Variants in KCNT2 observed in about 807,000 individuals in gnomAD.
The protein encoded by KCNT2 is potassium channel subfamily T member 2.
KCNT2 carries 67 observed loss-of-function variants against 153.8 expected under a neutral mutation model. That is an observed-to-expected ratio of 0.44 (90% confidence interval 0.36 to 0.53). The LOEUF is 0.53. Among genes scored for constraint, KCNT2 ranks in the 20% least tolerant of loss-of-function variants. The probability of loss-of-function intolerance (pLI) is 0.00; values close to 1 mark genes in which losing one functional copy is unlikely to be tolerated. For missense variants in KCNT2, 975 were observed against 1,354.8 expected (o/e 0.72, Z 4.40); for synonymous variants, 500 against 458.8 (o/e 1.09, Z -1.15).
chr1:196,286,617 T>TCACACA (rs548240607), intron 22 of KCNT2, among the ~76,000 whole-genome samples: 101 of 143,288 alleles, frequency 7.0e-4, no homozygotes, highest in African/African-American at 2.6e-3. Context: ...CTTCTGTATA[T>TCACACA]CACACACACA....
rs1557973970 is a variant in KCNT2 at position 196,467,757 on chromosome 1, A to G, written c.489T>C (p.Phe163=). ...SIFWPSLRNL[F]VPVFLNCWLA... The stretch of plus-strand genomic sequence containing the variant: ...GCCAACAGTTCAGAAAGACTGGGAC[A>G]AATAGATTCCTTAAGGAAGGCCAGA... The change falls in exon 7 of 28, where the codon TTT becomes TTC. Residue 163 remains phenylalanine, a synonymous_variant. Coordinates refer to ENST00000294725, the MANE Select transcript of KCNT2 (RefSeq NM_198503.5). 1.9e-6 allele frequency: 3 copies of G among 1,606,234 alleles called. No homozygotes were observed. Among genetic ancestry groups the G allele is most frequent in the South Asian group, 2.2e-5 (2 of 89,958 alleles).
chr1:196,386,353 T>C (rs1669983929), intron 13 of KCNT2, among the ~76,000 whole-genome samples: 1 of 152,108 alleles, frequency 6.6e-6, no homozygotes. Context: ...CCACAAAGTT[T>C]TGGGATAGTT....
chr1:196,415,966 C>T (rs1672721709), intron 12 of KCNT2, among the ~76,000 whole-genome samples: 1 of 151,854 alleles, frequency 6.6e-6, no homozygotes, highest in African/African-American at 2.4e-5. Context: ...CCAAGATTAA[C>T]TTTGACCCAA....
At chr1:196,429,141 C>T (rs552930471) in intron 9 of KCNT2, among the ~76,000 whole-genome samples, 26 of 151,814 alleles carry the variant, frequency 1.7e-4, no homozygotes, top group African/African-American at 6.3e-4. Context: ...CTGCACCTGG[C>T]CCAGATTTTA....
chr1:196,494,438 C>A (rs1028697411), intron 1 of KCNT2, among the ~76,000 whole-genome samples: 1 of 151,996 alleles, frequency 6.6e-6, no homozygotes, highest in African/African-American at 2.4e-5. Context: ...CTGGCTCTGT[C>A]GCCCAGGCTG....
chr1:196,591,216 C>G (rs1663316875), intron 1 of KCNT2, among the ~76,000 whole-genome samples: 2 of 151,992 alleles, frequency 1.3e-5, no homozygotes, highest in South Asian at 2.1e-4. Flanking sequence ...TTTAAAGAAG[C>G]CTGGCACCTC....
rs552363871 is a variant in KCNT2, at chr1:196,373,386, A to T, written c.1295-138T>A. 8.7e-5 allele frequency: 50 copies of T among 577,866 alleles called. 1 individual carries two copies. In the East Asian group the frequency reaches 1.3e-3, roughly 15 times the overall value. The allele number at this position is 577,866 out of a possible 1,614,324, so 35.8% of individuals were successfully genotyped here. ...TTTTAGAGATGTTTTTACAAGTGCAATTTTATCCCCAGGAAATATATCTCC... is the reference window on the plus strand; with the variant it reads ...TTTTAGAGATGTTTTTACAAGTGCATTTTTATCCCCAGGAAATATATCTCC... On this transcript the variant is annotated intron_variant, in intron 13 of 27. Transcript: ENST00000294725.
At chr1:196,536,995 T>A (rs974642654) in intron 1 of KCNT2, among the ~76,000 whole-genome samples, 1 of 152,226 alleles carries the variant, frequency 6.6e-6, no homozygotes, top group African/African-American at 2.4e-5. Context: ...ACCAATAGCC[T>A]ACTGGTATTC....
intron 1 of KCNT2, among the ~76,000 whole-genome samples, chr1:196,523,438 G>A (rs774342615): frequency 7.2e-5 from 11 of 152,210 alleles, no homozygotes; most frequent in Non-Finnish European, 1.3e-4. Context: ...AAAATGAAAA[G>A]TGTAGACTGG....
At chr1:196,481,516 T>C (rs560858798) in intron 4 of KCNT2, among the ~76,000 whole-genome samples, 41 of 152,356 alleles carry the variant, frequency 2.7e-4, no homozygotes, top group Middle Eastern at 3.4e-3. Context: ...GCAGTGAGTC[T>C]TAAAGTCTTT....
intron 19 of KCNT2, among the ~76,000 whole-genome samples, chr1:196,326,289 C>G (rs1489687792): frequency 1.3e-5 from 2 of 151,972 alleles, no homozygotes; most frequent in South Asian, 2.1e-4. Flanking sequence ...TCTGATGATG[C>G]TTTGTGTTAT....
At chr1:196,312,244 C>T (rs979197088) in intron 21 of KCNT2, among the ~76,000 whole-genome samples, 1 of 151,386 alleles carries the variant, frequency 6.6e-6, no homozygotes, top group African/African-American at 2.4e-5. Flanking sequence ...GGGAGGCGAA[C>T]AGCCAATTGC....
intron 22 of KCNT2, among the ~76,000 whole-genome samples, chr1:196,287,124 A>C (rs1377352223): frequency 6.6e-6 from 1 of 152,056 alleles, no homozygotes; most frequent in Non-Finnish European, 1.5e-5. Context: ...GGAGAAGGTA[A>C]GGCAAAGGAT....
At chr1:196,349,944 G>A (rs1208210787) in intron 14 of KCNT2, among the ~76,000 whole-genome samples, 1 of 151,906 alleles carries the variant, frequency 6.6e-6, no homozygotes, top group Admixed American at 6.6e-5. Context: ...ATCTATGAGT[G>A]AGAACGTGTG....
intron 1 of KCNT2, among the ~76,000 whole-genome samples, chr1:196,568,676 T>C (rs1660410692): frequency 6.6e-6 from 1 of 151,746 alleles, no homozygotes; most frequent in Non-Finnish European, 1.5e-5. Flanking sequence ...GCTCTTTTTC[T>C]GGCAACTCAC....
rs978839062 is a variant in KCNT2 at position 196,528,658 on chromosome 1, T to C, written c.96-36317A>G. On this transcript the variant is annotated intron_variant, in intron 1 of 27. Transcript: ENST00000294725. ...GATCGTAAAAAAACAGAATCATTAA[T>C]GGAGTAGAGATTTCCTTCTTGCTGG... is the stretch of plus-strand genomic sequence containing the variant. Among the ~76,000 whole-genome samples the C allele has an allele frequency of 4.6e-5, 7 of 152,156 alleles. No individual in the cohort carries two copies. The South Asian group carries it at 6.2e-4, about 13-fold the overall frequency.
Position 196,489,822 on chromosome 1 carries a change from GA to G in KCNT2, c.275+15del. 3.0e-6 allele frequency: 4 copies of G among 1,318,320 alleles called. No individual in the cohort carries two copies. The highest frequency in any genetic ancestry group is 4.7e-5 in the East Asian group (2 of 42,568). The allele number at this position is 1,318,320 out of a possible 1,614,324, so 81.7% of individuals were successfully genotyped here. A position where few individuals can be genotyped will look rare whatever the true frequency, so the allele number is the denominator to read the frequency against. On this transcript the variant is annotated intron_variant, in intron 3 of 27. Transcript: ENST00000294725. ...ATCAAAATAATATTGTTGAAGGTCA[GA>G]AAAAGGTACCTTACCATTCATTTCC...
intron 21 of KCNT2, among the ~76,000 whole-genome samples, chr1:196,311,698 C>T (rs918267106): frequency 6.6e-6 from 1 of 151,668 alleles, no homozygotes. Flanking sequence ...GTAAAGTTCT[C>T]TTGTCTTTCT....
At chr1:196,251,365 C>T (rs1203647612) in intron 26 of KCNT2, among the ~76,000 whole-genome samples, 1 of 151,930 alleles carries the variant, frequency 6.6e-6, no homozygotes, top group East Asian at 1.9e-4. Context: ...TCTAGCCCTT[C>T]CAAAGTGTGT....
Sources: gnomAD v4.1 joint callset for allele counts (sites outside exome capture counted in the v4.1 genomes callset) on GRCh38, gnomAD v4.1.1 for gene constraint, MANE v1.5 for transcripts, NCBI Gene and HGNC (gene_info 2026-07-23, HGNC 2026-07-21) for gene names.